Variants in RNF144A observed in about 807,000 individuals in gnomAD.
RNF144A encodes ring finger protein 144A.
RNF144A carries 11 observed loss-of-function variants against 38.7 expected under a neutral mutation model. That is an observed-to-expected ratio of 0.28 (90% confidence interval 0.18 to 0.47). The LOEUF (loss-of-function observed/expected upper bound fraction) is 0.47. Among genes scored for constraint, RNF144A ranks in the 20% least tolerant of loss-of-function variants. RNF144A has a pLI of 0.99. For synonymous variants in RNF144A, 149 were observed against 143.9 expected, an observed-to-expected ratio of 1.04 and a Z score of -0.25; for missense variants, 316 against 377.2, an observed-to-expected ratio of 0.84 and a Z score of 1.34.
chr2:7,014,381 T>G, intron 3 of RNF144A, 73 bp from the exon 4 acceptor site: 1 of 995,490 alleles, frequency 1.0e-6, no homozygotes, highest in Non-Finnish European at 1.6e-6. Context: ...TGGTCCTTTT[T>G]TTAATGCATC....
Position 7,056,930 on chromosome 2 carries a change from C to A in RNF144A, c.735-11286C>A, listed in dbSNP as rs146081216. On this transcript the variant is annotated intron_variant, in intron 6 of 6. Transcript: ENST00000432850. ...GTCTGCCTGGAACAGCATTTCAGCC[C>A]CTCACCTTGGGGCTCTTAGTTCTTT... Among the ~76,000 whole-genome samples the A allele has an allele frequency of 3.5e-4, 54 of 152,316 alleles. No homozygotes were observed. In the East Asian group the frequency reaches 0.01, roughly 28 times the overall value.
At chr2:6,965,357 T>C (rs1000874011) in intron 2 of RNF144A, among the ~76,000 whole-genome samples, 2 of 152,124 alleles carry the variant, frequency 1.3e-5, no homozygotes, top group Non-Finnish European at 2.9e-5. Flanking sequence ...CCACCACACA[T>C]GTGAAGGCAG....
intron 2 of RNF144A, among the ~76,000 whole-genome samples, chr2:6,993,054 G>T (rs1489957787): frequency 6.6e-6 from 1 of 152,158 alleles, no homozygotes; most frequent in Non-Finnish European, 1.5e-5. Context: ...TTGCAAGTTC[G>T]CAGCTGTTCG....
rs192850626 is a variant in RNF144A, at chr2:6,980,866, A to G, written c.-11-16050A>G. ...CAGCAGACTTCTGCCTGGACATTCA[A>G]GCAATTCCATACATCCTCTGAAATC... On this transcript the variant is annotated intron_variant, in intron 2 of 8. Transcript: ENST00000320892. Among the ~76,000 whole-genome samples the G allele has an allele frequency of 3.3e-3, 504 of 152,340 alleles. 6 individuals are homozygous for G. Among genetic ancestry groups the G allele is most frequent in the African/African-American group, 0.012 (485 of 41,584 alleles).
At chr2:7,002,034 A>G (rs961048054) in intron 3 of RNF144A, among the ~76,000 whole-genome samples, 1 of 152,112 alleles carries the variant, frequency 6.6e-6, no homozygotes, top group African/African-American at 2.4e-5. Flanking sequence ...TTTCCTATAT[A>G]TTTGCAAGAT....
intron 6 of RNF144A, among the ~76,000 whole-genome samples, chr2:7,052,231 T>C (rs190973457): frequency 5.9e-5 from 9 of 152,242 alleles, no homozygotes; most frequent in African/African-American, 1.9e-4. Context: ...AAGGCTGAGA[T>C]GATGAGAAAC....
chr2:6,956,089 A>C (rs565971333), intron 2 of RNF144A, among the ~76,000 whole-genome samples: 70 of 152,332 alleles, frequency 4.6e-4, no homozygotes, highest in Non-Finnish European at 8.2e-4. Flanking sequence ...TTTAAAAATA[A>C]GGTGATCCCT....
At chr2:6,954,901 A>C (rs905905903) in intron 2 of RNF144A, among the ~76,000 whole-genome samples, 3 of 152,146 alleles carry the variant, frequency 2.0e-5, no homozygotes, top group Non-Finnish European at 4.4e-5. Context: ...TTTAAACCTT[A>C]TTTTCTGTAG....
In RNF144A at chr2:7,018,971, G is replaced by A; in HGVS notation, c.302-1502G>A. ...TAGTGGGCCAAATCCAGTCCCGCCG[G>A]TGGCCTGCTGCTGTCAAGTTTTGCT... On this transcript the variant is annotated intron_variant, in intron 5 of 8. Coordinates refer to ENST00000320892, the MANE Select transcript of RNF144A (RefSeq NM_014746.6). Among the ~76,000 whole-genome samples the A allele has an allele frequency of 1.3e-5, 2 of 151,954 alleles. 1 individual carries two copies. The highest frequency in any genetic ancestry group is 2.9e-5 in the Non-Finnish European group (2 of 68,018).
the RNF144A span, chr2:7,074,374 A>T: frequency 6.6e-6 from 1 of 152,244 alleles, no homozygotes; most frequent in Non-Finnish European, 1.5e-5. Flanking sequence ...AAGCGTACGT[A>T]AGTGCAACCA....
intron 1 of RNF144A, among the ~76,000 whole-genome samples, chr2:6,932,461 T>A (rs1665264711): frequency 6.6e-6 from 1 of 152,344 alleles, no homozygotes; most frequent in East Asian, 1.9e-4. Flanking sequence ...TTTGGAGATT[T>A]TTTTTTCCTT....
chr2:7,037,565 G>A (rs1036611401), intron 8 of RNF144A, among the ~76,000 whole-genome samples: 2 of 152,248 alleles, frequency 1.3e-5, no homozygotes, highest in Non-Finnish European at 2.9e-5. Flanking sequence ...TCAGACAAAT[G>A]AACGTAGCCA....
intron 6 of RNF144A, among the ~76,000 whole-genome samples, chr2:7,057,058 A>G (rs1457542440): frequency 6.6e-6 from 1 of 152,164 alleles, no homozygotes; most frequent in Non-Finnish European, 1.5e-5. Context: ...GAAACTGCCC[A>G]TACATCAACA....
intron 2 of RNF144A, among the ~76,000 whole-genome samples, chr2:6,946,746 C>T (rs1272957479): frequency 6.6e-6 from 1 of 152,010 alleles, no homozygotes; most frequent in Non-Finnish European, 1.5e-5. Context: ...TTTTTTCAAG[C>T]TCGTTCTTGA....
intron 8 of RNF144A, among the ~76,000 whole-genome samples, chr2:7,037,382 G>A (rs1672749668): frequency 6.6e-6 from 1 of 152,240 alleles, no homozygotes. Flanking sequence ...AAGAATGTGT[G>A]GCTCTTTCAA....
At chr2:6,964,093 AAC>A in intron 2 of RNF144A, among the ~76,000 whole-genome samples, 1 of 152,176 alleles carries the variant, frequency 6.6e-6, no homozygotes, top group South Asian at 2.1e-4. Context: ...AAAACAAAAA[AAC>A]ACAACACAGC....
chr2:6,992,677 A>C (rs1669470820), intron 2 of RNF144A, among the ~76,000 whole-genome samples: 2 of 152,264 alleles, frequency 1.3e-5, no homozygotes, highest in South Asian at 4.2e-4. Flanking sequence ...GGTGGGAAGA[A>C]TAGGGGCCTA....
chr2:6,956,352 T>G (rs1416746271), intron 2 of RNF144A, among the ~76,000 whole-genome samples: 1 of 152,188 alleles, frequency 6.6e-6, no homozygotes, highest in East Asian at 1.9e-4. Flanking sequence ...GAAATGGTTG[T>G]GAAGTAGCCC....
At chr2:7,036,041 C>T (rs1007333148) in intron 8 of RNF144A, among the ~76,000 whole-genome samples, 1 of 152,202 alleles carries the variant, frequency 6.6e-6, no homozygotes, top group South Asian at 2.1e-4. Flanking sequence ...GTGGGACTGA[C>T]TGTGCGGTTG....
Sources: gnomAD v4.1 joint callset for allele counts (sites outside exome capture counted in the v4.1 genomes callset) on GRCh38, gnomAD v4.1.1 for gene constraint, MANE v1.5 for transcripts, NCBI Gene and HGNC (gene_info 2026-07-23, HGNC 2026-07-21) for gene names.